CSMD1: variants seen among roughly 807,000 people sequenced by gnomAD.
CSMD1 encodes the protein CUB and Sushi multiple domains 1, also known as CUB and sushi domain-containing protein 1.
A neutral mutation model predicts 417.5 loss-of-function variants in CSMD1; 213 were observed. The observed-to-expected ratio is 0.51, with a 90% CI of 0.46 to 0.57. CSMD1 has a LOEUF of 0.57. CSMD1 is among the 20% of genes least tolerant of loss of function. The pLI, the probability that CSMD1 is intolerant of heterozygous loss-of-function variation, is 0.00. For missense variants in CSMD1, 6,923 were observed against 4,529.7 expected, an observed-to-expected ratio of 1.53 and a Z score of -15.17; for synonymous variants, 2,862 against 1,736.8, an observed-to-expected ratio of 1.65 and a Z score of -16.11.
chr8:3,956,991 TA>T (rs920757046), intron 5 of CSMD1, among the ~76,000 whole-genome samples: 1 of 150,626 alleles, frequency 6.6e-6, no homozygotes, highest in Admixed American at 6.6e-5. Flanking sequence ...TTGTGGGCCC[TA>T]AAAAATGAAA....
chr8:3,713,259 C>T (rs1346949611), intron 6 of CSMD1, among the ~76,000 whole-genome samples: 3 of 152,166 alleles, frequency 2.0e-5, no homozygotes, highest in African/African-American at 7.2e-5. Flanking sequence ...TCACTATAAT[C>T]TCTAAGTGGT....
intron 2 of CSMD1, among the ~76,000 whole-genome samples, chr8:4,437,703 G>T (rs182461515): frequency 6.6e-6 from 1 of 152,230 alleles, no homozygotes; most frequent in East Asian, 1.9e-4. Flanking sequence ...CATAGAATAA[G>T]ATTCTACTAT....
At chr8:3,882,150 A>G (rs1046978601) in intron 5 of CSMD1, among the ~76,000 whole-genome samples, 8 of 152,200 alleles carry the variant, frequency 5.3e-5, no homozygotes, top group African/African-American at 1.9e-4. Flanking sequence ...TGGCTCCTCC[A>G]CCAAGATTTG....
At chr8:4,718,884 G>A (rs777516157) in intron 1 of CSMD1, among the ~76,000 whole-genome samples, 10 of 151,870 alleles carry the variant, frequency 6.6e-5, no homozygotes, top group Admixed American at 2.0e-4. Context: ...ATGAAAATAC[G>A]TATCTTTGAA....
At chr8:3,941,091 T>G (rs931863984) in intron 5 of CSMD1, among the ~76,000 whole-genome samples, 4 of 152,114 alleles carry the variant, frequency 2.6e-5, no homozygotes, top group Non-Finnish European at 5.9e-5. Flanking sequence ...ACCTTAAAAT[T>G]TATCATTTAT....
chr8:3,663,970 A>T (rs1050216372), intron 7 of CSMD1, among the ~76,000 whole-genome samples: 2 of 152,322 alleles, frequency 1.3e-5, no homozygotes, highest in Middle Eastern at 6.8e-3. Flanking sequence ...TTCAAACATT[A>T]CTAAATCTTA....
intron 3 of CSMD1, among the ~76,000 whole-genome samples, chr8:4,120,935 G>A (rs1300688598): frequency 2.6e-5 from 4 of 152,118 alleles, no homozygotes; most frequent in African/African-American, 9.7e-5. Flanking sequence ...GCCTGAAAAT[G>A]TGTATAATAA....
chr8:4,167,633 A>G (rs1295986182), intron 3 of CSMD1, among the ~76,000 whole-genome samples: 1 of 152,220 alleles, frequency 6.6e-6, no homozygotes, highest in African/African-American at 2.4e-5. Flanking sequence ...AGATAAATCC[A>G]TCTGTTTGGA....
At chr8:4,287,965 G>A (rs926938343) in intron 3 of CSMD1, among the ~76,000 whole-genome samples, 2 of 151,930 alleles carry the variant, frequency 1.3e-5, no homozygotes, top group African/African-American at 4.8e-5. Context: ...CAAATCCCAA[G>A]ACAATATGAT....
At chr8:4,638,395 C>A (rs1377721383) in intron 1 of CSMD1, among the ~76,000 whole-genome samples, 1 of 152,026 alleles carries the variant, frequency 6.6e-6, no homozygotes, top group Non-Finnish European at 1.5e-5. Context: ...TCTTACTGGG[C>A]AGAAGAATAA....
intron 3 of CSMD1, among the ~76,000 whole-genome samples, chr8:4,262,077 C>A: frequency 6.6e-6 from 1 of 152,004 alleles, no homozygotes. Context: ...TTTTTTTTAA[C>A]CTCTAAAGTT....
At chr8:3,010,303 T>G (rs1307378146) in intron 52 of CSMD1, among the ~76,000 whole-genome samples, 1 of 152,232 alleles carries the variant, frequency 6.6e-6, no homozygotes, top group Non-Finnish European at 1.5e-5. Context: ...GGCATTCTAA[T>G]TTTTCGTACC....
chr8:3,781,497 C>G (rs549546248), intron 5 of CSMD1, among the ~76,000 whole-genome samples: 1 of 131,540 alleles, frequency 7.6e-6, no homozygotes, highest in African/African-American at 3.5e-5. Context: ...CGTGGTGCCC[C>G]TGAGTTAGGT....
At chr8:4,864,416 C>G (rs1365335268) in intron 1 of CSMD1, among the ~76,000 whole-genome samples, 1 of 151,860 alleles carries the variant, frequency 6.6e-6, no homozygotes, top group Non-Finnish European at 1.5e-5. Flanking sequence ...CACTTCCTTA[C>G]TTTACTATAT....
At chr8:4,100,767 C>T (rs1027939773) in intron 3 of CSMD1, among the ~76,000 whole-genome samples, 2 of 152,114 alleles carry the variant, frequency 1.3e-5, no homozygotes, top group African/African-American at 4.8e-5. Flanking sequence ...TAAATGAAGT[C>T]ATCGATCTTA....
intron 5 of CSMD1, among the ~76,000 whole-genome samples, chr8:3,811,396 G>A (rs1203554999): frequency 6.6e-6 from 1 of 152,154 alleles, no homozygotes; most frequent in African/African-American, 2.4e-5. Flanking sequence ...CTGATCTATA[G>A]ACCATGTAGT....
At chr8:3,622,444 C>G (rs1198421302) in intron 7 of CSMD1, among the ~76,000 whole-genome samples, 1 of 152,178 alleles carries the variant, frequency 6.6e-6, no homozygotes, top group Non-Finnish European at 1.5e-5. Context: ...TGCATGTCTC[C>G]TTTTCTATTT....
At chr8:4,458,200 C>A (rs1192355388) in intron 2 of CSMD1, among the ~76,000 whole-genome samples, 1 of 152,098 alleles carries the variant, frequency 6.6e-6, no homozygotes, top group African/African-American at 2.4e-5. Flanking sequence ...ATACTAATCA[C>A]CTTGTAAAGA....
intron 12 of CSMD1, among the ~76,000 whole-genome samples, chr8:3,447,603 C>T (rs1237044510): frequency 6.6e-6 from 1 of 152,186 alleles, no homozygotes; most frequent in Non-Finnish European, 1.5e-5. Context: ...GGATTAGCCC[C>T]TGCACATGTG....
Sources: gnomAD v4.1 joint callset for allele counts (sites outside exome capture counted in the v4.1 genomes callset) on GRCh38, gnomAD v4.1.1 for gene constraint, MANE v1.5 for transcripts, NCBI Gene and HGNC (gene_info 2026-07-23, HGNC 2026-07-21) for gene names.